FBXL7: variants seen among roughly 807,000 people sequenced by gnomAD.
FBXL7 encodes F-box and leucine rich repeat protein 7, also known as F-box/LRR-repeat protein 7.
In FBXL7, 12 loss-of-function variants were observed where a neutral mutation model predicts 38.3. That is an observed-to-expected ratio of 0.31 (90% CI 0.20 to 0.51). The LOEUF is 0.51. Among genes scored for constraint, FBXL7 ranks in the 20% least tolerant of loss-of-function variants. The probability of loss-of-function intolerance (pLI) is 0.98; values close to 1 mark genes in which losing one functional copy is unlikely to be tolerated. For missense variants in FBXL7, 567 were observed against 676.4 expected, an observed-to-expected ratio of 0.84 and a Z score of 1.79; for synonymous variants, 297 against 300.9, an observed-to-expected ratio of 0.99 and a Z score of 0.13.
chr5:15,800,961 T>C (rs1383350474), intron 2 of FBXL7, among the ~76,000 whole-genome samples: 3 of 152,158 alleles, frequency 2.0e-5, no homozygotes, highest in Non-Finnish European at 4.4e-5. Context: ...ATAGGGTTCA[T>C]GTGGAAGTTG....
At chr5:15,833,186 C>T (rs1159525799) in intron 2 of FBXL7, among the ~76,000 whole-genome samples, 1 of 152,160 alleles carries the variant, frequency 6.6e-6, no homozygotes, top group Non-Finnish European at 1.5e-5. Flanking sequence ...CACTTATAAA[C>T]AACAGAAATC....
At chr5:15,820,906 A>T (rs2126763773) in intron 2 of FBXL7, among the ~76,000 whole-genome samples, 1 of 152,236 alleles carries the variant, frequency 6.6e-6, no homozygotes, top group Non-Finnish European at 1.5e-5. Context: ...TGTCCTTGTC[A>T]TCTAAAGAGC....
intron 2 of FBXL7, among the ~76,000 whole-genome samples, chr5:15,838,609 A>G (rs1230637414): frequency 1.3e-5 from 2 of 152,198 alleles, no homozygotes; most frequent in African/African-American, 2.4e-5. Flanking sequence ...AAGATCTGCA[A>G]GGATTTGTTT....
intron 2 of FBXL7, among the ~76,000 whole-genome samples, chr5:15,789,052 GTGT>G (rs971775675): frequency 2.0e-5 from 3 of 151,804 alleles, no homozygotes; most frequent in Non-Finnish European, 4.4e-5. Context: ...GGATTTCACG[GTGT>G]TGGCCAGGGT....
At chr5:15,830,097 C>A (rs366760) in intron 2 of FBXL7, among the ~76,000 whole-genome samples, 1 of 151,984 alleles carries the variant, frequency 6.6e-6, no homozygotes, top group East Asian at 1.9e-4. Context: ...TCTGAAGCCA[C>A]TGAGACTTAA....
At chr5:15,889,803 G>T (rs920971389) in intron 2 of FBXL7, among the ~76,000 whole-genome samples, 1 of 152,166 alleles carries the variant, frequency 6.6e-6, no homozygotes, top group Non-Finnish European at 1.5e-5. Flanking sequence ...TGTCTCCAGA[G>T]TCCATTTATT....
chr5:15,582,924 C>A (rs1298796394), intron 1 of FBXL7, among the ~76,000 whole-genome samples: 4 of 150,446 alleles, frequency 2.7e-5, no homozygotes, highest in African/African-American at 9.8e-5. Flanking sequence ...CTAATCCTCT[C>A]CTTGGCTCAT....
chr5:15,578,584 A>G (rs1021169677), intron 1 of FBXL7, among the ~76,000 whole-genome samples: 3 of 152,138 alleles, frequency 2.0e-5, no homozygotes, highest in African/African-American at 7.2e-5. Flanking sequence ...TGCATCATCC[A>G]GTGTGTTTAG....
intron 1 of FBXL7, among the ~76,000 whole-genome samples, chr5:15,542,570 A>G (rs542839046): frequency 1.3e-5 from 2 of 152,342 alleles, no homozygotes; most frequent in East Asian, 3.9e-4. Context: ...CATTACAAGT[A>G]TAACTGTCAT....
chr5:15,875,214 A>G (rs1198856146), intron 2 of FBXL7, among the ~76,000 whole-genome samples: 1 of 152,232 alleles, frequency 6.6e-6, no homozygotes, highest in Non-Finnish European at 1.5e-5. Flanking sequence ...AGCCATAGGC[A>G]GAAAGTTGAC....
At chr5:15,917,540 C>T (rs1409916018) in intron 2 of FBXL7, among the ~76,000 whole-genome samples, 5 of 151,802 alleles carry the variant, frequency 3.3e-5, no homozygotes, top group Admixed American at 6.6e-5. Context: ...TCCAGGGGTT[C>T]AAGGTTGCAG....
At chr5:15,688,970 G>T (rs1433666844) in intron 2 of FBXL7, among the ~76,000 whole-genome samples, 18 of 152,120 alleles carry the variant, frequency 1.2e-4, no homozygotes, top group Admixed American at 1.2e-3. Flanking sequence ...AGAAAGAAAG[G>T]TCCTTTCCAT....
chr5:15,764,392 G>A (rs1276141101), intron 2 of FBXL7, among the ~76,000 whole-genome samples: 1 of 152,210 alleles, frequency 6.6e-6, no homozygotes, highest in Non-Finnish European at 1.5e-5. Flanking sequence ...AAACTGAGAT[G>A]AGTGTCACCT....
At chr5:15,585,414 A>G (rs1477653688) in intron 1 of FBXL7, among the ~76,000 whole-genome samples, 1 of 152,258 alleles carries the variant, frequency 6.6e-6, no homozygotes, top group African/African-American at 2.4e-5. Flanking sequence ...ACTTACATGG[A>G]AAATTCATCA....
chr5:15,722,889 C>T (rs1156492280), intron 2 of FBXL7, among the ~76,000 whole-genome samples: 1 of 149,070 alleles, frequency 6.7e-6, no homozygotes, highest in Admixed American at 6.8e-5. Context: ...CGCCACTACA[C>T]TCCAGCCTGC....
At chr5:15,578,857 G>T (rs1372869227) in intron 1 of FBXL7, among the ~76,000 whole-genome samples, 1 of 152,182 alleles carries the variant, frequency 6.6e-6, no homozygotes, top group African/African-American at 2.4e-5. Flanking sequence ...CTTTGGATTG[G>T]ATAAGTGTTT....
intron 2 of FBXL7, among the ~76,000 whole-genome samples, chr5:15,721,433 A>G (rs886772256): frequency 2.0e-5 from 3 of 152,162 alleles, no homozygotes; most frequent in Non-Finnish European, 2.9e-5. Context: ...ATCATAGCAA[A>G]CAAGGTTTCA....
At chr5:15,740,368 G>A (rs1428607659) in intron 2 of FBXL7, among the ~76,000 whole-genome samples, 1 of 151,968 alleles carries the variant, frequency 6.6e-6, no homozygotes, top group African/African-American at 2.4e-5. Context: ...GACATACCTG[G>A]CCTAGAGTCT....
rs79708279 is a variant in FBXL7 at position 15,623,786 on chromosome 5, C to T, written c.127+7714C>T. 6.8e-3 allele frequency among the ~76,000 whole-genome samples: 1,032 copies of T among 152,244 alleles called. 10 individuals carry two copies. Among genetic ancestry groups the T allele is most frequent in the African/African-American group, 0.024 (993 of 41,542 alleles). ...TGAGACAATTATTATTTCAGGCTTT[C>T]GTGAGCATTATTGCATTGAGCATTG... On this transcript the variant is annotated intron_variant, in intron 2 of 3. Coordinates refer to ENST00000504595, the MANE Select transcript of FBXL7 (RefSeq NM_012304.5).
Sources: gnomAD v4.1 joint callset for allele counts (sites outside exome capture counted in the v4.1 genomes callset) on GRCh38, gnomAD v4.1.1 for gene constraint, MANE v1.5 for transcripts, NCBI Gene and HGNC (gene_info 2026-07-23, HGNC 2026-07-21) for gene names.